The following TSC22D1 variants were observed in gnomAD, a reference collection of about 807,000 sequenced individuals.
The protein encoded by TSC22D1 is TSC22 domain family member 1.
TSC22D1 carries 9 observed loss-of-function variants against 74.2 expected under a neutral mutation model. The ratio of observed to expected loss-of-function variants is 0.12; its 90% confidence interval spans 0.07 to 0.21. The LOEUF is 0.21. Ranked by LOEUF, TSC22D1 falls within the 10% of genes least tolerant of loss-of-function variation. The pLI is 1.00. For missense variants in TSC22D1, 1,427 were observed against 1,304.7 expected, an observed-to-expected ratio of 1.09 and a Z score of -1.44; for synonymous variants, 586 against 492.5, an observed-to-expected ratio of 1.19 and a Z score of -2.51.
intron 1 of TSC22D1, among the ~76,000 whole-genome samples, chr13:44,487,928 C>G (rs1185425243): frequency 1.3e-5 from 2 of 151,992 alleles, no homozygotes; most frequent in Non-Finnish European, 2.9e-5. Flanking sequence ...CGTGGTGGTG[C>G]ACGCCTGTAA....
At chr13:44,444,602 AT>A (rs1173161847) in intron 1 of TSC22D1, among the ~76,000 whole-genome samples, 1 of 152,114 alleles carries the variant, frequency 6.6e-6, no homozygotes, top group African/African-American at 2.4e-5. Flanking sequence ...TAAAAGGTCG[AT>A]TTTATCATTA....
intron 1 of TSC22D1, among the ~76,000 whole-genome samples, chr13:44,459,209 G>C (rs569548154): frequency 6.6e-6 from 1 of 152,198 alleles, no homozygotes; most frequent in Non-Finnish European, 1.5e-5. Context: ...GGGGACTACC[G>C]GTTGCAGGAA....
intron 1 of TSC22D1, among the ~76,000 whole-genome samples, chr13:44,489,868 C>G (rs976284175): frequency 2.0e-5 from 3 of 151,928 alleles, no homozygotes; most frequent in African/African-American, 7.3e-5. Flanking sequence ...GCCAAAATTT[C>G]AAAGACTGAC....
At chr13:44,568,313 G>A (rs537977515) in intron 1 of TSC22D1, among the ~76,000 whole-genome samples, 23 of 152,248 alleles carry the variant, frequency 1.5e-4, no homozygotes, top group African/African-American at 5.5e-4. Context: ...AACACTTCCT[G>A]AGAAAGATAA....
chr13:44,460,029 C>A (rs1876912424), intron 1 of TSC22D1, among the ~76,000 whole-genome samples: 1 of 152,178 alleles, frequency 6.6e-6, no homozygotes, highest in Non-Finnish European at 1.5e-5. Flanking sequence ...TGAGAAAACT[C>A]CAGCAAAGGT....
At chr13:44,477,612 G>A (rs995871709) in intron 1 of TSC22D1, among the ~76,000 whole-genome samples, 6 of 151,478 alleles carry the variant, frequency 4.0e-5, no homozygotes, top group Middle Eastern at 3.4e-3. Flanking sequence ...GATCAAGTGA[G>A]GTCTCCCTAT....
intron 1 of TSC22D1, among the ~76,000 whole-genome samples, chr13:44,542,148 A>G (rs1017059075): frequency 6.6e-6 from 1 of 152,090 alleles, no homozygotes; most frequent in Non-Finnish European, 1.5e-5. Flanking sequence ...TTTCCTTTCC[A>G]GTCGTTTTCA....
chr13:44,557,146 A>G (rs1882700040), intron 1 of TSC22D1, among the ~76,000 whole-genome samples: 1 of 148,940 alleles, frequency 6.7e-6, no homozygotes, highest in African/African-American at 2.5e-5. Flanking sequence ...TCAGTCTCAA[A>G]GGAAAAAAAA....
At chr13:44,518,973 T>G (rs1024839570) in intron 1 of TSC22D1, among the ~76,000 whole-genome samples, 1 of 152,200 alleles carries the variant, frequency 6.6e-6, no homozygotes, top group African/African-American at 2.4e-5. Flanking sequence ...AGAAACACAA[T>G]GTAATTTTTC....
intron 1 of TSC22D1, among the ~76,000 whole-genome samples, chr13:44,523,497 T>C (rs1226935615): frequency 6.6e-6 from 1 of 152,154 alleles, no homozygotes; most frequent in Non-Finnish European, 1.5e-5. Context: ...AACTTTCATA[T>C]TGCTAAGTGA....
rs1418308220 is a variant in TSC22D1 at position 44,574,188 on chromosome 13, A to G, written c.1887T>C (p.Tyr629=). Residue 629 remains tyrosine, a synonymous_variant, in exon 1 of 3, where the codon TAT becomes TAC. Transcript: ENST00000458659. ...PGAPPPQQLQ[Y]GQQQPMVSTQ... ...TAGAAACCATTGGTTGCTGTTGTCC[A>G]TACTGTAACTGTTGGGGTGGTGGTG... 1.9e-6 allele frequency: 3 copies of G among 1,613,998 alleles called. No individual in the cohort carries two copies. The African/African-American group carries it at 4.0e-5, about 22-fold the overall frequency.
At chr13:44,560,212 T>C (rs1882948866) in intron 1 of TSC22D1, among the ~76,000 whole-genome samples, 1 of 152,140 alleles carries the variant, frequency 6.6e-6, no homozygotes, top group Non-Finnish European at 1.5e-5. Context: ...GGAAGATCAC[T>C]TGAGCTCAGG....
chr13:44,436,829 T>C, intron 1 of TSC22D1: 2 of 1,348,910 alleles, frequency 1.5e-6, no homozygotes, highest in Non-Finnish European at 1.9e-6. Flanking sequence ...GCTTCCCAGA[T>C]CCGCAGCCGG....
intron 1 of TSC22D1, among the ~76,000 whole-genome samples, chr13:44,533,483 G>T (rs963499536): frequency 1.4e-5 from 2 of 143,184 alleles, no homozygotes; most frequent in African/African-American, 5.4e-5. Flanking sequence ...AAAAAAAAAA[G>T]GCATGGAAGC....
chr13:44,516,375 C>CT (rs1432581883), intron 1 of TSC22D1: 1 of 442,308 alleles, frequency 2.3e-6, no homozygotes, highest in African/African-American at 2.1e-5. Flanking sequence ...TCTTAATAGT[C>CT]TTTTTAAAAT....
intron 1 of TSC22D1, chr13:44,436,367 A>T: frequency 8.1e-7 from 1 of 1,240,230 alleles, no homozygotes; most frequent in Non-Finnish European, 1.1e-6. Flanking sequence ...AAGGTTTTTT[A>T]ACATTTCGAA....
At chr13:44,518,021 T>C (rs1262032075) in intron 1 of TSC22D1, among the ~76,000 whole-genome samples, 2 of 147,640 alleles carry the variant, frequency 1.4e-5, no homozygotes, top group Non-Finnish European at 3.0e-5. Flanking sequence ...CACGCCCAGC[T>C]AACTTTTTTT....
chr13:44,530,815 T>A (rs1033107168), intron 1 of TSC22D1, among the ~76,000 whole-genome samples: 1 of 152,128 alleles, frequency 6.6e-6, no homozygotes, highest in African/African-American at 2.4e-5. Context: ...ACACACCTAT[T>A]AGAGTAGCTA....
intron 1 of TSC22D1, chr13:44,540,060 T>C (rs1881372914): frequency 2.0e-6 from 1 of 503,816 alleles, no homozygotes; most frequent in South Asian, 1.9e-5. Context: ...TTTAGTGCCT[T>C]CTTAATTTGA....
Sources: gnomAD v4.1 joint callset for allele counts (sites outside exome capture counted in the v4.1 genomes callset) on GRCh38, gnomAD v4.1.1 for gene constraint, MANE v1.5 for transcripts, NCBI Gene and HGNC (gene_info 2026-07-23, HGNC 2026-07-21) for gene names.